CHRNA7: variants seen among roughly 807,000 people sequenced by gnomAD.
CHRNA7 encodes cholinergic receptor nicotinic alpha 7 subunit, also known as neuronal acetylcholine receptor subunit alpha-7.
A neutral mutation model predicts 48.0 loss-of-function variants in CHRNA7; 17 were observed. The ratio of observed to expected loss-of-function variants is 0.35; its 90% confidence interval spans 0.24 to 0.53. CHRNA7 has a LOEUF of 0.53. Ranked by LOEUF, CHRNA7 falls within the 20% of genes least tolerant of loss-of-function variation. The pLI is 0.92. For missense variants in CHRNA7, 155 were observed against 577.7 expected, an observed-to-expected ratio of 0.27 and a Z score of 7.50; for synonymous variants, 75 against 242.3, an observed-to-expected ratio of 0.31 and a Z score of 6.41.
At chr15:32,142,776 AT>A (rs1240137620) in intron 4 of CHRNA7, among the ~76,000 whole-genome samples, 1 of 151,954 alleles carries the variant, frequency 6.6e-6, no homozygotes, top group African/African-American at 2.4e-5. Context: ...CCCCTTTATC[AT>A]TTTTTATTGC....
intron 4 of CHRNA7, among the ~76,000 whole-genome samples, chr15:32,129,320 T>C (rs1388835376): frequency 6.6e-6 from 1 of 151,972 alleles, no homozygotes; most frequent in Non-Finnish European, 1.5e-5. Context: ...GAGACAGTTA[T>C]AGAATTGATA....
chr15:32,084,576 T>A (rs2050265284), intron 2 of CHRNA7, among the ~76,000 whole-genome samples: 1 of 152,208 alleles, frequency 6.6e-6, no homozygotes, highest in African/African-American at 2.4e-5. Context: ...TGTTCCTTCC[T>A]CTCCATCAGA....
intron 4 of CHRNA7, among the ~76,000 whole-genome samples, chr15:32,115,549 G>C (rs142069238): frequency 1.3e-5 from 2 of 152,094 alleles, no homozygotes; most frequent in East Asian, 3.9e-4. Flanking sequence ...TTGGCTCATT[G>C]ATGCACCAAT....
intron 3 of CHRNA7, among the ~76,000 whole-genome samples, chr15:32,104,145 G>A (rs2050620719): frequency 6.6e-6 from 1 of 152,070 alleles, no homozygotes; most frequent in Non-Finnish European, 1.5e-5. Context: ...TGAAGTCCTC[G>A]AAGTGGCCTT....
chr15:32,083,132 G>T (rs1192119055), intron 2 of CHRNA7, among the ~76,000 whole-genome samples: 5 of 152,146 alleles, frequency 3.3e-5, no homozygotes, highest in African/African-American at 4.8e-5. Context: ...TTCATATGTT[G>T]GGATCTTAAT....
intron 3 of CHRNA7, among the ~76,000 whole-genome samples, chr15:32,107,156 A>G (rs969157305): frequency 1.3e-5 from 2 of 152,188 alleles, no homozygotes; most frequent in African/African-American, 4.8e-5. Context: ...CTTTTCTAGC[A>G]CCAACAACCA....
At chr15:32,101,887 C>T (rs2050579291) in intron 3 of CHRNA7, 1 of 152,178 alleles carries the variant, frequency 6.6e-6, no homozygotes, top group Non-Finnish European at 1.5e-5. Flanking sequence ...ACTTAACATC[C>T]AATTGTAAAT....
At chr15:32,132,733 A>G (rs2051177727) in intron 4 of CHRNA7, among the ~76,000 whole-genome samples, 1 of 152,136 alleles carries the variant, frequency 6.6e-6, no homozygotes, top group Non-Finnish European at 1.5e-5. Flanking sequence ...CACCAGTCCT[A>G]TCAGAATAGG....
chr15:32,099,426 A>T (rs1363728768), intron 2 of CHRNA7: 3 of 152,180 alleles, frequency 2.0e-5, no homozygotes, highest in African/African-American at 7.2e-5. Flanking sequence ...CTGCTTGTTG[A>T]TTACAGTTTG....
intron 2 of CHRNA7, among the ~76,000 whole-genome samples, chr15:32,035,097 A>C (rs1053211078): frequency 2.6e-5 from 4 of 152,258 alleles, no homozygotes; most frequent in African/African-American, 9.6e-5. Flanking sequence ...TTGCTAAGTG[A>C]AAGTGCCTAA....
At chr15:32,130,717 T>G (rs1357702222) in intron 4 of CHRNA7, among the ~76,000 whole-genome samples, 1 of 152,024 alleles carries the variant, frequency 6.6e-6, no homozygotes, top group Non-Finnish European at 1.5e-5. Context: ...TGTATGTAAC[T>G]TATTACGTTA....
chr15:32,034,627 G>C (rs1901997698), intron 2 of CHRNA7, among the ~76,000 whole-genome samples: 2 of 152,144 alleles, frequency 1.3e-5, no homozygotes, highest in South Asian at 4.1e-4. Context: ...CAGTGTGCCA[G>C]GGGTTTTGTG....
chr15:32,083,052 G>A (rs747185326), intron 2 of CHRNA7, among the ~76,000 whole-genome samples: 2 of 152,140 alleles, frequency 1.3e-5, no homozygotes, highest in Non-Finnish European at 2.9e-5. Context: ...ATGATAACCT[G>A]ACTTTCTATA....
At chr15:32,146,702 C>T (rs770101545) in intron 4 of CHRNA7, among the ~76,000 whole-genome samples, 2 of 152,158 alleles carry the variant, frequency 1.3e-5, no homozygotes, top group Admixed American at 1.3e-4. Context: ...AGTTGTATCA[C>T]GTTTATGCCT....
intron 3 of CHRNA7, among the ~76,000 whole-genome samples, chr15:32,105,819 G>T (rs1314254997): frequency 6.6e-6 from 1 of 152,188 alleles, no homozygotes. Context: ...CTGGAAAGCG[G>T]CACCTGTAGA....
At chr15:32,047,675 C>T (rs904341382) in intron 2 of CHRNA7, among the ~76,000 whole-genome samples, 1 of 152,120 alleles carries the variant, frequency 6.6e-6, no homozygotes, top group Non-Finnish European at 1.5e-5. Flanking sequence ...CCTTCTCCTG[C>T]CTGATTGCTC....
At chr15:32,032,101 T>C (rs774523950) in intron 2 of CHRNA7, among the ~76,000 whole-genome samples, 3 of 152,222 alleles carry the variant, frequency 2.0e-5, no homozygotes, top group Non-Finnish European at 2.9e-5. Context: ...GAATGGTATA[T>C]CACTTAACCT....
intron 4 of CHRNA7, among the ~76,000 whole-genome samples, chr15:32,113,689 A>G (rs2050800794): frequency 6.6e-6 from 1 of 152,206 alleles, no homozygotes; most frequent in African/African-American, 2.4e-5. Context: ...GTGTGTTTAC[A>G]GGCAGAATGA....
intron 2 of CHRNA7, among the ~76,000 whole-genome samples, chr15:32,036,468 C>T (rs1018402273): frequency 6.6e-6 from 1 of 152,138 alleles, no homozygotes; most frequent in Non-Finnish European, 1.5e-5. Context: ...CTTGCTGGTT[C>T]GTATGCTAAG....
Sources: gnomAD v4.1 joint callset for allele counts (sites outside exome capture counted in the v4.1 genomes callset) on GRCh38, gnomAD v4.1.1 for gene constraint, MANE v1.5 for transcripts, NCBI Gene and HGNC (gene_info 2026-07-23, HGNC 2026-07-21) for gene names.